The following CTDSP2 variants were observed in gnomAD, a reference collection of about 807,000 sequenced individuals.
CTDSP2 encodes the protein carboxy-terminal domain RNA polymerase II polypeptide A small phosphatase 2.
CTDSP2 carries 9 observed loss-of-function variants against 31.6 expected under a neutral mutation model. The observed-to-expected ratio is 0.28, with a 90% CI of 0.17 to 0.50. The LOEUF (loss-of-function observed/expected upper bound fraction) is 0.50, where lower values mean the gene tolerates loss of function less well. Among genes scored for constraint, CTDSP2 ranks in the 20% least tolerant of loss-of-function variants. The pLI is 0.98. For missense variants in CTDSP2, 267 were observed against 348.5 expected (o/e 0.77, Z 1.86); for synonymous variants, 134 against 134.5 (o/e 1.00, Z 0.03).
Position 57,823,518 on chromosome 12 carries a change from G to A in CTDSP2, c.*84C>T, listed in dbSNP as rs1027106873. On this transcript the variant is annotated 3_prime_UTR_variant, in exon 8 of 8. Coordinates refer to ENST00000398073, the MANE Select transcript of CTDSP2 (RefSeq NM_005730.4). The stretch of plus-strand genomic sequence containing the variant: ...CCGGGCCGTGTGGTGAGGCACTCCA[G>A]CTTCTACTCTGTCACGCTGATCGTA... 2 of 1,520,920 alleles carry A rather than the reference G, an allele frequency of 1.3e-6. No individual in the cohort carries two copies. The highest frequency in any genetic ancestry group is 2.7e-5 in the African/African-American group (2 of 73,118). 94.2% of individuals were successfully genotyped at this position (1,520,920 alleles called of 1,614,324 possible).
Position 57,824,317 on chromosome 12 carries a change from C to T in CTDSP2, c.414G>A (p.Val138=), listed in dbSNP as rs1956168944. Residue 138 remains valine, a splice_region_variant and synonymous_variant, in exon 6 of 8, where the codon GTG becomes GTA. Transcript: ENST00000398073. The part of the protein sequence containing the change: ...PIEIEGTTHQ[V]YVLKRPYVDE... ...CCACATAAGGCCTCTTGAGCACATACACCTGAGGAAGAGCAGAGCAGCCTG... is the reference window on the plus strand; with the variant it reads ...CCACATAAGGCCTCTTGAGCACATATACCTGAGGAAGAGCAGAGCAGCCTG... 1.9e-6 allele frequency: 3 copies of T among 1,613,040 alleles called. No homozygotes were observed. The highest frequency in any genetic ancestry group is 1.1e-5 in the South Asian group (1 of 91,060).
At chr12:57,827,423 C>T (rs2140475136) in intron 3 of CTDSP2, 129 bp downstream of exon 3, 6 of 1,012,338 alleles carry the variant, frequency 5.9e-6, no homozygotes, top group Non-Finnish European at 9.2e-6. Flanking sequence ...GTATGGGGAA[C>T]AAATGGCTTC....
intron 5 of CTDSP2, 79 bp from the exon 6 acceptor site, chr12:57,824,398 C>T (rs745477252): frequency 1.8e-6 from 2 of 1,083,088 alleles, no homozygotes; most frequent in African/African-American, 1.6e-5. Context: ...ACCAGTTACA[C>T]AGCAGCAAGG....
At chr12:57,829,650 C>G (rs1268334813) in intron 1 of CTDSP2, 54 bp from the exon 2 acceptor site, 6 of 1,508,548 alleles carry the variant, frequency 4.0e-6, no homozygotes, top group East Asian at 2.3e-5. Context: ...AGTTTCTGTC[C>G]ACAGATACTA....
At chr12:57,824,418 C>G (rs943902161) in intron 5 of CTDSP2, 99 bp from the exon 6 acceptor site, 1 of 894,380 alleles carries the variant, frequency 1.1e-6, no homozygotes, top group African/African-American at 1.6e-5. Flanking sequence ...GAGCTCTCAA[C>G]CCCTGCAGCC....
At chr12:57,835,330 A>G (rs939454118) in intron 1 of CTDSP2, among the ~76,000 whole-genome samples, 42 of 148,540 alleles carry the variant, frequency 2.8e-4, no homozygotes, top group East Asian at 1.2e-3. Context: ...ATCCGTCTCA[A>G]AAAAAAAAAA....
At chr12:57,834,830 A>T (rs1014304152) in intron 1 of CTDSP2, among the ~76,000 whole-genome samples, 3 of 152,088 alleles carry the variant, frequency 2.0e-5, no homozygotes, top group Non-Finnish European at 4.4e-5. Flanking sequence ...AAAACAGAAC[A>T]AAAAAACAGA....
At chr12:57,841,243 T>A (rs1956280870) in intron 1 of CTDSP2, among the ~76,000 whole-genome samples, 2 of 152,122 alleles carry the variant, frequency 1.3e-5, no homozygotes, top group South Asian at 4.1e-4. Context: ...GAAAAGCAGA[T>A]CAATGCTGCT....
In CTDSP2 at chr12:57,824,217, C is replaced by T. The variant is rs1235377285; in HGVS notation, c.504+10G>A. ...CCCACTCCTGGTTCTTCCCTCTCAC[C>T]CCTAGGTACCTTGGCCAGGCTGGCA... On this transcript the variant is annotated intron_variant, in intron 6 of 7. Transcript: ENST00000398073. The T allele has an allele frequency of 5.0e-6, 8 of 1,613,638 alleles. No individual in the cohort carries two copies. The South Asian group carries it at 5.5e-5, about 11-fold the overall frequency.
intron 1 of CTDSP2, among the ~76,000 whole-genome samples, chr12:57,843,490 G>T (rs1045340887): frequency 6.6e-6 from 1 of 150,676 alleles, no homozygotes; most frequent in South Asian, 2.1e-4. Context: ...AATCATCAAC[G>T]CACCCAGACA....
intron 1 of CTDSP2, among the ~76,000 whole-genome samples, chr12:57,831,851 G>A (rs1440792589): frequency 1.3e-5 from 2 of 152,194 alleles, no homozygotes; most frequent in Non-Finnish European, 2.9e-5. Flanking sequence ...CTACCTAGGA[G>A]CAACACACCC....
chr12:57,838,851 C>T (rs1283906543), intron 1 of CTDSP2, among the ~76,000 whole-genome samples: 1 of 152,222 alleles, frequency 6.6e-6, no homozygotes, highest in African/African-American at 2.4e-5. Flanking sequence ...CTGGTCCTAA[C>T]AAAAGCTTTG....
intron 1 of CTDSP2, among the ~76,000 whole-genome samples, chr12:57,845,914 TG>T (rs974561087): frequency 6.6e-6 from 1 of 151,986 alleles, no homozygotes. Context: ...ACCTCGGGCT[TG>T]GGGGGGCCTG....
At position 57,823,992 on chromosome 12, in the gene CTDSP2, T is replaced by C; in HGVS notation, c.602A>G (p.Lys201Arg). The change falls in exon 7 of 8, where the codon AAG becomes AGG. Residue 201 changes from lysine (K) to arginine (R), a missense_variant. Lys to Arg is a conservative substitution (Grantham distance 26). This residue lies in a region of CTDSP2 where 156 missense variants were observed against 241.3 expected (regional missense o/e 0.65). Coordinates refer to ENST00000398073, the MANE Select transcript of CTDSP2 (RefSeq NM_005730.4). ...GTCCCTCCCCAGGCGGCTGAGGTCC[T>C]TGACGTAGCAGCCCTGGTGGAACAC... ...SCVFHQGCYV[K>R]DLSRLGRDLR... The C allele has an allele frequency of 6.2e-7, 1 of 1,614,094 alleles. No homozygotes were observed. Among genetic ancestry groups the C allele is most frequent in the South Asian group, 1.1e-5 (1 of 91,076 alleles).
chr12:57,823,894 G>C lies in CTDSP2; in HGVS notation c.690+10C>G. 1 of 1,613,806 alleles carries C rather than the reference G, an allele frequency of 6.2e-7. No homozygotes were observed. Among genetic ancestry groups the C allele is most frequent in the Non-Finnish European group, 8.5e-7 (1 of 1,179,912 alleles). ...AATCCCTACCGTGGAGACGCATCAG[G>C]AGCACTCACTGCATTCTCGGGGTGG... On this transcript the variant is annotated intron_variant, in intron 7 of 7. Coordinates refer to ENST00000398073, the MANE Select transcript of CTDSP2 (RefSeq NM_005730.4).
At chr12:57,826,196 G>C in intron 5 of CTDSP2, 150 bp downstream of exon 5, 1 of 530,466 alleles carries the variant, frequency 1.9e-6, no homozygotes, top group Non-Finnish European at 3.3e-6. Context: ...TTGAGTGAAA[G>C]ATACCAATAA....
intron 3 of CTDSP2, chr12:57,827,342 G>A (rs1226575087): frequency 6.2e-6 from 4 of 640,110 alleles, no homozygotes; most frequent in East Asian, 5.4e-5. Context: ...GACAGCAGCT[G>A]TGGGAAGAGG....
At position 57,826,367 on chromosome 12, in the gene CTDSP2, C is replaced by T; in HGVS notation, c.390G>A (p.Glu130=). Residue 130 remains glutamate, a synonymous_variant, in exon 5 of 8, where the codon GAG becomes GAA. Coordinates refer to ENST00000398073, the MANE Select transcript of CTDSP2 (RefSeq NM_005730.4). ...TCACCTGGTGAGTGGTCCCCTCAAT[C>T]TCTATAGGCACTATGAAGTCAGCAT... is the stretch of plus-strand genomic sequence containing the variant. ...INNADFIVPI[E]IEGTTHQVYV... 1.2e-6 allele frequency: 2 copies of T among 1,614,092 alleles called. No homozygotes were observed. The highest frequency in any genetic ancestry group is 1.7e-6 in the Non-Finnish European group (2 of 1,180,002).
intron 1 of CTDSP2, among the ~76,000 whole-genome samples, chr12:57,838,533 C>G (rs896038993): frequency 6.6e-6 from 1 of 152,220 alleles, no homozygotes; most frequent in African/African-American, 2.4e-5. Flanking sequence ...GCCCTTGACT[C>G]CTGGAATGCT....
Sources: gnomAD v4.1 joint callset for allele counts (sites outside exome capture counted in the v4.1 genomes callset) on GRCh38, gnomAD v4.1.1 for gene constraint, gnomAD v4.1.1 regional missense constraint, MANE v1.5 for transcripts, NCBI Gene and HGNC (gene_info 2026-07-23, HGNC 2026-07-21) for gene names.